The following GNB4 variants were observed in gnomAD, a reference collection of about 807,000 sequenced individuals.
GNB4 encodes the protein G protein subunit beta 4, also known as guanine nucleotide-binding protein subunit beta-4.
Under a neutral mutation model 45.2 loss-of-function variants are expected in GNB4, and 28 were observed. That is an observed-to-expected ratio of 0.62 (90% confidence interval 0.46 to 0.85). The LOEUF (loss-of-function observed/expected upper bound fraction) is 0.85. GNB4 is among the 40% of genes least tolerant of loss of function. The pLI, the probability that GNB4 is intolerant of heterozygous loss-of-function variation, is 0.00. For missense variants in GNB4, 321 were observed against 425.4 expected (o/e 0.75, Z 2.16); for synonymous variants, 132 against 143.7 (o/e 0.92, Z 0.58).
chr3:179,450,298 T>A (rs535944227), intron 1 of GNB4, among the ~76,000 whole-genome samples: 152 of 152,284 alleles, frequency 1.0e-3, no homozygotes, highest in African/African-American at 3.5e-3. Context: ...GCACACAATT[T>A]TGAATGCACC....
At chr3:179,524,510 T>C in the GNB4 span, among the ~76,000 whole-genome samples, 280 of 150,590 alleles carry the variant, frequency 1.9e-3, no homozygotes, top group Admixed American at 2.2e-3. Context: ...AGTCAAGTAA[T>C]TGTAACTCTT....
the GNB4 span, among the ~76,000 whole-genome samples, chr3:179,525,873 A>G: frequency 6.6e-6 from 1 of 152,246 alleles, no homozygotes; most frequent in Non-Finnish European, 1.5e-5. Flanking sequence ...ACCCCAGTTC[A>G]CAGGTGGATC....
chr3:179,465,796 T>TTTC, the GNB4 span, among the ~76,000 whole-genome samples: 178 of 54,320 alleles, frequency 3.3e-3, no homozygotes, highest in Middle Eastern at 0.02. Context: ...AGATAATTTT[T>TTTC]TTCTTCTTCT....
At chr3:179,523,353 G>A in the GNB4 span, among the ~76,000 whole-genome samples, 114,180 of 151,500 alleles carry the variant, frequency 0.75, 44,109 homozygotes, top group East Asian at 0.99. Flanking sequence ...AAGTGAAAGC[G>A]AAGAGAGGCT....
At chr3:179,440,854 T>A (rs955813112) in intron 1 of GNB4, among the ~76,000 whole-genome samples, 4 of 148,058 alleles carry the variant, frequency 2.7e-5, no homozygotes, top group Non-Finnish European at 4.4e-5. Context: ...GTGTATTTTT[T>A]AAAAATTCCT....
chr3:179,505,240 A>G, the GNB4 span, among the ~76,000 whole-genome samples: 1 of 152,232 alleles, frequency 6.6e-6, no homozygotes, highest in Non-Finnish European at 1.5e-5. Flanking sequence ...CTCATCGCAA[A>G]GCTCCAAACG....
chr3:179,478,095 G>T, the GNB4 span, among the ~76,000 whole-genome samples: 1 of 152,164 alleles, frequency 6.6e-6, no homozygotes, highest in Non-Finnish European at 1.5e-5. Flanking sequence ...TTTTCTGGAA[G>T]AAGACAGAAG....
chr3:179,500,432 A>G, the GNB4 span, among the ~76,000 whole-genome samples: 1 of 152,068 alleles, frequency 6.6e-6, no homozygotes, highest in Non-Finnish European at 1.5e-5. Context: ...GTTCTGTTCC[A>G]TTGGTCTATA....
At chr3:179,443,871 A>C (rs1434361340) in intron 1 of GNB4, among the ~76,000 whole-genome samples, 4 of 152,158 alleles carry the variant, frequency 2.6e-5, no homozygotes, top group Non-Finnish European at 5.9e-5. Flanking sequence ...ATGTTCTCGG[A>C]ATCTATCATT....
the GNB4 span, among the ~76,000 whole-genome samples, chr3:179,495,380 G>A: frequency 6.6e-6 from 1 of 152,072 alleles, no homozygotes; most frequent in Admixed American, 6.6e-5. Context: ...GGGGGGCTGA[G>A]GTGGGTGGAT....
the GNB4 span, among the ~76,000 whole-genome samples, chr3:179,501,573 C>T: frequency 6.6e-6 from 1 of 151,968 alleles, no homozygotes. Flanking sequence ...GATCCACCCG[C>T]CTTGGCCTCC....
chr3:179,486,494 T>C, the GNB4 span, among the ~76,000 whole-genome samples: 1 of 152,172 alleles, frequency 6.6e-6, no homozygotes, highest in Non-Finnish European at 1.5e-5. Context: ...CAGTCTTATT[T>C]ATCTTTCAGC....
chr3:179,480,493 C>G, the GNB4 span, among the ~76,000 whole-genome samples: 1 of 152,040 alleles, frequency 6.6e-6, no homozygotes, highest in Non-Finnish European at 1.5e-5. Context: ...AAATTAGCTG[C>G]CATCATTCTC....
chr3:179,465,318 T>A, the GNB4 span: 2 of 1,400,394 alleles, frequency 1.4e-6, no homozygotes. Flanking sequence ...AAGAATACCA[T>A]TATGGCCGGG....
rs745451227 is a variant in GNB4 at position 179,396,620 on chromosome 3, G to A, written c.*4593C>T. On this transcript the variant is annotated 3_prime_UTR_variant, in exon 10 of 10. Coordinates refer to ENST00000232564, the MANE Select transcript of GNB4 (RefSeq NM_021629.4). ...GTTGGAATATAGCTTTTTCCCCCCC[G>A]TAATGCTGCTTTATCACAACTGTAT... 6 of 152,042 alleles carry A rather than the reference G, an allele frequency of 3.9e-5. No homozygotes were observed. The highest frequency in any genetic ancestry group is 1.3e-4 in the Admixed American group (2 of 15,268). 9.4% of individuals were successfully genotyped at this position (152,042 alleles called of 1,614,324 possible). A position where few individuals can be genotyped will look rare whatever the true frequency, so the allele number is the denominator to read the frequency against.
At chr3:179,480,874 C>A in the GNB4 span, among the ~76,000 whole-genome samples, 15 of 131,926 alleles carry the variant, frequency 1.1e-4, no homozygotes, top group Non-Finnish European at 1.3e-4. Flanking sequence ...TTTTTTGAGA[C>A]GGAGTCTTGC....
chr3:179,483,212 C>A, the GNB4 span, among the ~76,000 whole-genome samples: 1 of 151,692 alleles, frequency 6.6e-6, no homozygotes, highest in Admixed American at 6.6e-5. Flanking sequence ...TATTTTTTCC[C>A]TTCTAATGCT....
At chr3:179,510,232 C>T in the GNB4 span, among the ~76,000 whole-genome samples, 2 of 152,202 alleles carry the variant, frequency 1.3e-5, no homozygotes, top group South Asian at 2.1e-4. Context: ...ACCATGGACC[C>T]GCCCTGCCCA....
chr3:179,490,938 GT>G, the GNB4 span, among the ~76,000 whole-genome samples: 1 of 152,164 alleles, frequency 6.6e-6, no homozygotes, highest in African/African-American at 2.4e-5. Flanking sequence ...TATTCAAAAT[GT>G]CCAGGCACAA....
Sources: allele counts gnomAD v4.1 joint callset (sites outside exome capture counted in the v4.1 genomes callset), GRCh38; gene constraint gnomAD v4.1.1; transcripts MANE v1.5; gene names NCBI Gene and HGNC (gene_info 2026-07-23, HGNC 2026-07-21).